OSBPL8: variants seen among roughly 807,000 people sequenced by gnomAD.
OSBPL8 encodes the protein oxysterol-binding protein-related protein 8.
OSBPL8 carries 59 observed loss-of-function variants against 125.5 expected under a neutral mutation model. That is an observed-to-expected ratio of 0.47 (90% CI 0.38 to 0.58). The LOEUF (loss-of-function observed/expected upper bound fraction) is 0.58. OSBPL8 is among the 20% of genes least tolerant of loss of function. The probability of loss-of-function intolerance (pLI) is 0.00; values close to 1 mark genes in which losing one functional copy is unlikely to be tolerated. For missense variants in OSBPL8, 758 were observed against 1,047.8 expected (o/e 0.72, Z 3.82); for synonymous variants, 330 against 338.9 (o/e 0.97, Z 0.29).
intron 2 of OSBPL8, among the ~76,000 whole-genome samples, chr12:76,467,073 T>G (rs1875535775): frequency 6.6e-6 from 1 of 152,238 alleles, no homozygotes; most frequent in African/African-American, 2.4e-5. Context: ...ACACTTTATA[T>G]CCTTCCTTTA....
intron 2 of OSBPL8, among the ~76,000 whole-genome samples, chr12:76,480,460 A>G (rs1435637028): frequency 6.6e-6 from 1 of 152,196 alleles, no homozygotes; most frequent in Non-Finnish European, 1.5e-5. Flanking sequence ...GATACGTTCT[A>G]CTACTCCATT....
chr12:76,473,187 T>C (rs1876388305), intron 2 of OSBPL8, among the ~76,000 whole-genome samples: 1 of 152,150 alleles, frequency 6.6e-6, no homozygotes. Context: ...GTTATGATTA[T>C]AGAGCGAGGA....
chr12:76,475,998 C>T (rs1679850671), intron 2 of OSBPL8, among the ~76,000 whole-genome samples: 1 of 152,188 alleles, frequency 6.6e-6, no homozygotes, highest in Non-Finnish European at 1.5e-5. Flanking sequence ...GTCCACTGCG[C>T]TTTCTCTCAA....
At chr12:76,446,425 A>T (rs1190515452) in intron 4 of OSBPL8, among the ~76,000 whole-genome samples, 2 of 152,176 alleles carry the variant, frequency 1.3e-5, no homozygotes, top group African/African-American at 4.8e-5. Context: ...AAAGCCAATG[A>T]CTTTTAAAGA....
chr12:76,388,115 C>T lies in OSBPL8; in HGVS notation c.1353-1455G>A, dbSNP rs140654525. ...TACAGATCAGTTTATGGAATTCTTC[C>T]TTATATGGGTGGATGTATCACACAC... On this transcript the variant is annotated intron_variant, in intron 12 of 23. Coordinates refer to ENST00000261183, the MANE Select transcript of OSBPL8 (RefSeq NM_020841.5). 3.0e-3 allele frequency among the ~76,000 whole-genome samples: 455 copies of T among 152,226 alleles called. 3 individuals are homozygous for T. Among genetic ancestry groups the T allele is most frequent in the Admixed American group, 0.024 (360 of 15,286 alleles).
At chr12:76,390,296 T>A in intron 11 of OSBPL8, 124 bp downstream of exon 11, 1 of 716,050 alleles carries the variant, frequency 1.4e-6, no homozygotes, top group South Asian at 2.0e-5. Flanking sequence ...GTATGCAATT[T>A]TTAAAATATC....
At chr12:76,356,876 T>A in intron 22 of OSBPL8, 148 bp from the exon 23 acceptor site, 1 of 548,674 alleles carries the variant, frequency 1.8e-6, no homozygotes. Flanking sequence ...ACTTTTGAAG[T>A]TTCAAACACA....
chr12:76,392,026 T>C (rs192732743), intron 10 of OSBPL8, among the ~76,000 whole-genome samples: 2 of 152,334 alleles, frequency 1.3e-5, no homozygotes, highest in Admixed American at 1.3e-4. Flanking sequence ...CTGCCCAGTT[T>C]CCTTGGAGAA....
At chr12:76,433,836 C>T (rs145436708) in intron 4 of OSBPL8, among the ~76,000 whole-genome samples, 215 of 151,876 alleles carry the variant, frequency 1.4e-3, no homozygotes, top group African/African-American at 5.1e-3. Flanking sequence ...ATTAGCCAGG[C>T]ATAGTGACAT....
At chr12:76,558,622 T>C (rs967166014) in intron 1 of OSBPL8, among the ~76,000 whole-genome samples, 8 of 152,238 alleles carry the variant, frequency 5.3e-5, no homozygotes, top group African/African-American at 1.4e-4. Context: ...TACCTATTAT[T>C]TCAGAAAGCA....
Position 76,389,759 on chromosome 12 carries a change from T to C in OSBPL8, c.1238A>G (p.Gln413Arg). ...NKSLIWTLLK[Q>R]VRPGMDLSKV... ...GGATAGGTCCATGCCAGGACGGACTTGTTTCAATAGTGTCCAGATAAGGCT... is the reference window on the plus strand; with the variant it reads ...GGATAGGTCCATGCCAGGACGGACTCGTTTCAATAGTGTCCAGATAAGGCT... The change falls in exon 12 of 24, where the codon CAA becomes CGA. Residue 413 changes from glutamine (Q) to arginine (R), a missense_variant. Around this residue, in one of 3 missense-constraint regions of OSBPL8, gnomAD observed 572 missense variants for 762.0 expected, o/e 0.75. Transcript: ENST00000261183. 2 of 1,603,520 alleles carry C rather than the reference T, an allele frequency of 1.2e-6. No individual in the cohort carries two copies. Among genetic ancestry groups the C allele is most frequent in the Admixed American group, 1.7e-5 (1 of 59,180 alleles).
At chr12:76,492,913 G>GAT (rs1565942322) in intron 1 of OSBPL8, among the ~76,000 whole-genome samples, 1 of 150,266 alleles carries the variant, frequency 6.7e-6, no homozygotes, top group African/African-American at 2.5e-5. Flanking sequence ...AGGATATATA[G>GAT]ATATATATAG....
intron 1 of OSBPL8, among the ~76,000 whole-genome samples, chr12:76,523,610 T>C (rs1950082532): frequency 6.6e-6 from 1 of 152,106 alleles, no homozygotes; most frequent in Admixed American, 6.5e-5. Flanking sequence ...AGTGCCCTTA[T>C]AAGAAGAGAT....
At chr12:76,472,613 T>G (rs1190318090) in intron 2 of OSBPL8, among the ~76,000 whole-genome samples, 1 of 152,196 alleles carries the variant, frequency 6.6e-6, no homozygotes, top group Non-Finnish European at 1.5e-5. Flanking sequence ...TAAGGTCACG[T>G]GGGTCACGTG....
intron 3 of OSBPL8, among the ~76,000 whole-genome samples, chr12:76,458,746 G>GA (rs1364336999): frequency 6.6e-6 from 1 of 151,106 alleles, no homozygotes; most frequent in Non-Finnish European, 1.5e-5. Context: ...TCTCTTTTTA[G>GA]AAAAAAAATT....
chr12:76,511,735 C>T (rs879153368), intron 1 of OSBPL8, among the ~76,000 whole-genome samples: 1 of 152,202 alleles, frequency 6.6e-6, no homozygotes, highest in Non-Finnish European at 1.5e-5. Context: ...TTAATTAGAT[C>T]CCACTTGTCA....
At chr12:76,536,165 G>C (rs1950492112) in intron 1 of OSBPL8, among the ~76,000 whole-genome samples, 1 of 151,844 alleles carries the variant, frequency 6.6e-6, no homozygotes, top group Non-Finnish European at 1.5e-5. Flanking sequence ...AAGTAACAAT[G>C]TTTAAAATCA....
chr12:76,451,008 A>T lies in OSBPL8; in HGVS notation c.80-20T>A. 2 of 1,609,514 alleles carry T rather than the reference A, an allele frequency of 1.2e-6. No individual in the cohort carries two copies. The highest frequency in any genetic ancestry group is 1.7e-6 in the Non-Finnish European group (2 of 1,178,016). The stretch of plus-strand genomic sequence containing the variant: ...CAACAGCTCAAGGAAAGAAGGGAAA[A>T]ATAATTAGTACTGAAGTCACAGATT... On this transcript the variant is annotated intron_variant, in intron 3 of 23. Transcript: ENST00000261183.
intron 1 of OSBPL8, among the ~76,000 whole-genome samples, chr12:76,497,046 TAAA>T (rs1879350195): frequency 1.3e-5 from 2 of 152,196 alleles, no homozygotes; most frequent in African/African-American, 4.8e-5. Flanking sequence ...TTGTACCTGA[TAAA>T]AGAGACTCGG....
Sources: gnomAD v4.1 joint callset for allele counts (sites outside exome capture counted in the v4.1 genomes callset) on GRCh38, gnomAD v4.1.1 for gene constraint, gnomAD v4.1.1 regional missense constraint, MANE v1.5 for transcripts, NCBI Gene and HGNC (gene_info 2026-07-23, HGNC 2026-07-21) for gene names.